Variants in CFAP20DC observed in about 807,000 individuals in gnomAD.
The protein encoded by CFAP20DC is CFAP20 domain containing.
CFAP20DC carries 84 observed loss-of-function variants against 101.7 expected under a neutral mutation model. The ratio of observed to expected loss-of-function variants is 0.83; its 90% CI spans 0.69 to 0.99. CFAP20DC has a LOEUF of 0.99. CFAP20DC is among the 50% of genes least tolerant of loss of function. CFAP20DC has a pLI of 0.00. For missense variants in CFAP20DC, 1,007 were observed against 970.3 expected, an observed-to-expected ratio of 1.04 and a Z score of -0.50; for synonymous variants, 359 against 351.2, an observed-to-expected ratio of 1.02 and a Z score of -0.25.
intron 16 of CFAP20DC, among the ~76,000 whole-genome samples, chr3:58,753,151 G>C (rs954207851): frequency 6.6e-6 from 1 of 152,084 alleles, no homozygotes; most frequent in East Asian, 1.9e-4. Flanking sequence ...CCAACCAAAC[G>C]AACACCTGGC....
chr3:58,778,026 C>T (rs536235307), intron 15 of CFAP20DC, among the ~76,000 whole-genome samples: 2 of 152,346 alleles, frequency 1.3e-5, no homozygotes, highest in East Asian at 1.9e-4. Context: ...AGAGGTGTGG[C>T]TGTGCATTTT....
intron 14 of CFAP20DC, among the ~76,000 whole-genome samples, chr3:58,822,364 A>T (rs1237549602): frequency 3.4e-5 from 5 of 146,292 alleles, no homozygotes; most frequent in Non-Finnish European, 7.5e-5. Context: ...GCATATTCTC[A>T]CTCATAGGTG....
intron 6 of CFAP20DC, among the ~76,000 whole-genome samples, chr3:58,906,818 A>AG (rs2083635176): frequency 6.6e-6 from 1 of 152,084 alleles, no homozygotes; most frequent in East Asian, 1.9e-4. Flanking sequence ...GTCCCAGCTC[A>AG]TCAGGAGGCT....
rs1399721101 is a variant in CFAP20DC, at chr3:58,795,514, A to C, written c.2237+10881T>G. Among the ~76,000 whole-genome samples the C allele has an allele frequency of 1.3e-5, 2 of 152,214 alleles. No individual in the cohort carries two copies. Among genetic ancestry groups the C allele is most frequent in the African/African-American group, 4.8e-5 (2 of 41,462 alleles). On this transcript the variant is annotated intron_variant, in intron 15 of 16. Coordinates refer to ENST00000482387, the MANE Select transcript of CFAP20DC (RefSeq NM_001394063.1). The surrounding 1 kb of genome is among the most constrained non-coding windows in gnomAD (Gnocchi z 4.2). ...TTGGCTTGTGCCTGTGGTCTCGGCT[A>C]CATGGGAAGCTGGAGTGGGAGAGTT...
intron 16 of CFAP20DC, among the ~76,000 whole-genome samples, chr3:58,747,483 T>C (rs1184795295): frequency 6.6e-6 from 1 of 152,206 alleles, no homozygotes; most frequent in Non-Finnish European, 1.5e-5. Flanking sequence ...ATAAATGATG[T>C]GGCACTAGTT....
intron 14 of CFAP20DC, among the ~76,000 whole-genome samples, chr3:58,829,276 G>A (rs189215552): frequency 8.2e-5 from 12 of 146,406 alleles, no homozygotes; most frequent in Admixed American, 4.2e-4. Flanking sequence ...AGCCAAGATC[G>A]AGCCACTGCA....
Position 58,728,305 on chromosome 3 carries a change from G to C in CFAP20DC, c.198-10677C>G, listed in dbSNP as rs912390409. Among the ~76,000 whole-genome samples the C allele has an allele frequency of 1.3e-5, 2 of 152,156 alleles. No individual in the cohort carries two copies. Among genetic ancestry groups the C allele is most frequent in the Non-Finnish European group, 2.9e-5 (2 of 68,018 alleles). The stretch of plus-strand genomic sequence containing the variant: ...GAAAATACCTTTGGCTGTCCCATTG[G>C]GGAGGAAATTGGAAGAAGATTCACG... On this transcript the variant is annotated intron_variant, in intron 3 of 3. Transcript: ENST00000486145. The surrounding 1 kb of genome is among the most constrained non-coding windows in gnomAD (Gnocchi z 4.7).
At chr3:58,785,162 A>T (rs1466089653) in intron 15 of CFAP20DC, among the ~76,000 whole-genome samples, 2 of 152,120 alleles carry the variant, frequency 1.3e-5, no homozygotes, top group African/African-American at 2.4e-5. Flanking sequence ...CGTTATGTTA[A>T]GTGAAATAAA....
intron 15 of CFAP20DC, among the ~76,000 whole-genome samples, chr3:58,783,222 TC>T (rs1197040631): frequency 1.3e-5 from 2 of 151,806 alleles, no homozygotes. Flanking sequence ...AAATTGGATA[TC>T]CATATGCAGA....
intron 12 of CFAP20DC, among the ~76,000 whole-genome samples, chr3:58,850,715 A>G (rs546073464): frequency 7.9e-5 from 12 of 152,326 alleles, no homozygotes; most frequent in Admixed American, 2.0e-4. Context: ...GTCCATTTTG[A>G]AGACATTATT....
At position 58,864,315 on chromosome 3, in the gene CFAP20DC, A is replaced by AT. The variant is rs1324791089; in HGVS notation, c.1259-424dup. 2.6e-5 allele frequency among the ~76,000 whole-genome samples: 4 copies of AT among 152,244 alleles called. No homozygotes were observed. The highest frequency in any genetic ancestry group is 5.9e-5 in the Non-Finnish European group (4 of 68,048). ...AATTTCTTGTTGTTGAAACAGATTT[A>AT]TCAAATAACGCAAAGCAAAGGAAGG... On this transcript the variant is annotated intron_variant, in intron 11 of 16. Transcript: ENST00000482387. The surrounding 1 kb of genome is among the most constrained non-coding windows in gnomAD (Gnocchi z 4.7).
chr3:58,927,119 C>A (rs1286917181), intron 5 of CFAP20DC, among the ~76,000 whole-genome samples: 1 of 152,084 alleles, frequency 6.6e-6, no homozygotes, highest in African/African-American at 2.4e-5. Flanking sequence ...AAGTTAAAAG[C>A]ATAAATTATT....
intron 15 of CFAP20DC, among the ~76,000 whole-genome samples, chr3:58,768,282 C>CTCCA (rs2070509245): frequency 6.6e-6 from 1 of 152,190 alleles, no homozygotes; most frequent in Admixed American, 6.5e-5. Flanking sequence ...ATCCCATTTC[C>CTCCA]TGTCACATGG....
chr3:58,891,295 T>C (rs1331210396), intron 6 of CFAP20DC, among the ~76,000 whole-genome samples: 3 of 146,616 alleles, frequency 2.0e-5, no homozygotes, highest in African/African-American at 7.4e-5. Context: ...GTGCCTGCAA[T>C]GGCAGGCACT....
chr3:59,048,444 T>A (rs539663919), intron 1 of CFAP20DC, among the ~76,000 whole-genome samples: 5 of 152,192 alleles, frequency 3.3e-5, no homozygotes, highest in Non-Finnish European at 7.3e-5. Context: ...GAATTTAAAT[T>A]TGAGACAGCT....
chr3:58,855,254 C>T (rs1433147924), intron 12 of CFAP20DC, among the ~76,000 whole-genome samples: 1 of 152,136 alleles, frequency 6.6e-6, no homozygotes, highest in Non-Finnish European at 1.5e-5. Context: ...CATCACTGGC[C>T]ATCAGAGAAA....
intron 14 of CFAP20DC, among the ~76,000 whole-genome samples, chr3:58,829,989 T>C (rs995500142): frequency 3.3e-5 from 5 of 152,206 alleles, no homozygotes; most frequent in African/African-American, 1.2e-4. Context: ...CAAATTGTAC[T>C]GGTAAAAATC....
intron 15 of CFAP20DC, among the ~76,000 whole-genome samples, chr3:58,771,255 T>A (rs1373596748): frequency 1.4e-5 from 2 of 139,682 alleles, no homozygotes; most frequent in African/African-American, 5.4e-5. Context: ...TGTTGAGGGG[T>A]GGGGGACTAG....
chr3:59,044,326 A>G (rs1327359355), intron 3 of CFAP20DC, among the ~76,000 whole-genome samples: 3 of 152,174 alleles, frequency 2.0e-5, no homozygotes, highest in South Asian at 4.1e-4. Context: ...ATTTTACACA[A>G]GTAAAAATAG....
Sources: gnomAD v4.1 joint callset for allele counts (sites outside exome capture counted in the v4.1 genomes callset) on GRCh38, gnomAD v4.1.1 for gene constraint, Gnocchi (gnomAD v3.1) non-coding constraint, MANE v1.5 for transcripts, NCBI Gene and HGNC (gene_info 2026-07-23, HGNC 2026-07-21) for gene names.